Variants in GRIN2B observed in about 807,000 individuals in gnomAD.
GRIN2B encodes glutamate ionotropic receptor NMDA type subunit 2B.
Under a neutral mutation model 114.5 loss-of-function variants are expected in GRIN2B, and 5 were observed. The ratio of observed to expected loss-of-function variants is 0.04; its 90% CI spans 0.02 to 0.09. The LOEUF (loss-of-function observed/expected upper bound fraction) is 0.09. Among genes scored for constraint, GRIN2B ranks in the 10% least tolerant of loss-of-function variants. GRIN2B has a pLI of 1.00. For synonymous variants in GRIN2B, 787 were observed against 745.1 expected, an observed-to-expected ratio of 1.06 and a Z score of -0.92; for missense variants, 1,108 against 1,943.5, an observed-to-expected ratio of 0.57 and a Z score of 8.08.
At chr12:13,830,447 C>T (rs1865125167) in intron 3 of GRIN2B, among the ~76,000 whole-genome samples, 1 of 152,138 alleles carries the variant, frequency 6.6e-6, no homozygotes, top group East Asian at 1.9e-4. Context: ...TCTTAATGAA[C>T]ATGAGAGTCA....
intron 2 of GRIN2B, among the ~76,000 whole-genome samples, chr12:13,915,749 G>C (rs1866706454): frequency 6.6e-6 from 1 of 152,060 alleles, no homozygotes; most frequent in Non-Finnish European, 1.5e-5. Flanking sequence ...TCCAGTTGTT[G>C]CCAAAGTCCA....
At chr12:13,713,855 T>C (rs1402433825) in intron 4 of GRIN2B, among the ~76,000 whole-genome samples, 1 of 151,898 alleles carries the variant, frequency 6.6e-6, no homozygotes, top group Non-Finnish European at 1.5e-5. Context: ...TCTGCCTGGC[T>C]GGAGAACAAT....
intron 2 of GRIN2B, among the ~76,000 whole-genome samples, chr12:13,904,924 A>G (rs1000793327): frequency 6.6e-6 from 1 of 151,960 alleles, no homozygotes; most frequent in Non-Finnish European, 1.5e-5. Flanking sequence ...TGAGGCAGAA[A>G]CCATTTTGAG....
chr12:13,814,159 G>C (rs1864779098), intron 3 of GRIN2B, among the ~76,000 whole-genome samples: 1 of 152,230 alleles, frequency 6.6e-6, no homozygotes, highest in African/African-American at 2.4e-5. Flanking sequence ...TCTGCAAAGT[G>C]TTTAGATTTA....
At chr12:13,581,038 G>C (rs951243160) in intron 10 of GRIN2B, among the ~76,000 whole-genome samples, 2 of 152,154 alleles carry the variant, frequency 1.3e-5, no homozygotes, top group African/African-American at 4.8e-5. Flanking sequence ...TCCATTATGT[G>C]AATGCACCAG....
chr12:13,826,975 C>T, intron 3 of GRIN2B, among the ~76,000 whole-genome samples: 1 of 147,064 alleles, frequency 6.8e-6, no homozygotes. Flanking sequence ...ATTTTTGTAT[C>T]TTTTTAAAAG....
At chr12:13,954,823 A>AAAAAAAAAAAAAAAAAAAAAAAAAAAAAC (rs1565599383) in intron 2 of GRIN2B, among the ~76,000 whole-genome samples, 1 of 147,670 alleles carries the variant, frequency 6.8e-6, no homozygotes, top group African/African-American at 2.5e-5. Flanking sequence ...AAAAAAAAAA[A>AAAAAAAAAAAAAAAAAAAAAAAAAAAAAC]AAAAAACTTT....
chr12:13,920,235 GA>G (rs11354278), intron 2 of GRIN2B, among the ~76,000 whole-genome samples: 97,919 of 139,202 alleles, frequency 0.7, 34,164 homozygotes, highest in Non-Finnish European at 0.74. Flanking sequence ...CCTATCTCAA[GA>G]AAAAAAAAAA....
At position 13,871,179 on chromosome 12, in the gene GRIN2B, G is replaced by A. The variant is rs147061729; in HGVS notation, c.-18-4953C>T. ...TTTTTAAAGCATGAGTTATAAGTTC[G>A]AACTAGTTCAGATACCTAGAAATGT... On this transcript the variant is annotated intron_variant, in intron 2 of 13. Transcript: ENST00000609686. Among the ~76,000 whole-genome samples the A allele has an allele frequency of 1.9e-4, 29 of 151,838 alleles. 1 individual carries two copies. Among genetic ancestry groups the A allele is most frequent in the Admixed American group, 1.2e-3 (19 of 15,264 alleles).
intron 3 of GRIN2B, among the ~76,000 whole-genome samples, chr12:13,801,673 C>T (rs149015125): frequency 6.6e-6 from 1 of 152,244 alleles, no homozygotes; most frequent in African/African-American, 2.4e-5. Flanking sequence ...CATAACGATC[C>T]TAAGGTGTCA....
intron 2 of GRIN2B, among the ~76,000 whole-genome samples, chr12:13,918,693 A>G (rs778106479): frequency 6.6e-5 from 10 of 152,212 alleles, no homozygotes; most frequent in Non-Finnish European, 4.4e-5. Context: ...AGGGATGGTT[A>G]TTTGCTTCCT....
intron 3 of GRIN2B, among the ~76,000 whole-genome samples, chr12:13,806,240 A>C (rs1375518985): frequency 6.6e-6 from 1 of 152,168 alleles, no homozygotes; most frequent in Non-Finnish European, 1.5e-5. Context: ...TGAGATGCCC[A>C]AAAGTGGGAT....
chr12:13,735,059 G>A (rs1863155653), intron 4 of GRIN2B, among the ~76,000 whole-genome samples: 1 of 152,298 alleles, frequency 6.6e-6, no homozygotes, highest in East Asian at 1.9e-4. Context: ...ATATTCAAAG[G>A]TCTTTTATGG....
At chr12:13,928,116 G>C (rs993052339) in intron 2 of GRIN2B, among the ~76,000 whole-genome samples, 2 of 151,742 alleles carry the variant, frequency 1.3e-5, no homozygotes, top group Non-Finnish European at 2.9e-5. Context: ...TTTGAGACCA[G>C]CCTGGCCAAC....
intron 3 of GRIN2B, among the ~76,000 whole-genome samples, chr12:13,779,282 G>A (rs769002535): frequency 1.3e-5 from 2 of 152,172 alleles, no homozygotes; most frequent in Non-Finnish European, 2.9e-5. Context: ...GATCTCTGGT[G>A]ATCCATCTGC....
intron 3 of GRIN2B, among the ~76,000 whole-genome samples, chr12:13,757,311 C>A (rs1429201289): frequency 6.6e-6 from 1 of 152,162 alleles, no homozygotes; most frequent in African/African-American, 2.4e-5. Flanking sequence ...AGGAATGGGA[C>A]AGCTCTTTTT....
Position 13,784,005 on chromosome 12 carries a change from C to T in GRIN2B, c.412-30090G>A, listed in dbSNP as rs553453410. Among the ~76,000 whole-genome samples, 288 of 152,112 alleles carry T rather than the reference C, an allele frequency of 1.9e-3. 2 individuals are homozygous for T. The highest frequency in any genetic ancestry group is 3.6e-3 in the Admixed American group (55 of 15,290). ...TTGGGAGGCCAAGGCGGGTGGATCA[C>T]GAGTTCAGGAGATCGAGACCATCCT... On this transcript the variant is annotated intron_variant, in intron 3 of 13. Transcript: ENST00000609686.
intron 2 of GRIN2B, among the ~76,000 whole-genome samples, chr12:13,882,518 T>C (rs895301371): frequency 3.3e-5 from 5 of 152,152 alleles, no homozygotes; most frequent in Non-Finnish European, 7.4e-5. Flanking sequence ...CTATGTGACC[T>C]TAAGCACATC....
chr12:13,931,259 G>A (rs1867025703), intron 2 of GRIN2B, among the ~76,000 whole-genome samples: 1 of 152,238 alleles, frequency 6.6e-6, no homozygotes, highest in South Asian at 2.1e-4. Flanking sequence ...TGCTTGCATA[G>A]ACGTCACCAG....
Sources: allele counts gnomAD v4.1 joint callset (sites outside exome capture counted in the v4.1 genomes callset), GRCh38; gene constraint gnomAD v4.1.1; transcripts MANE v1.5; gene names NCBI Gene and HGNC (gene_info 2026-07-23, HGNC 2026-07-21).